WDR17: variants seen among roughly 807,000 people sequenced by gnomAD.
WDR17 encodes the protein WD repeat-containing protein 17.
A neutral mutation model predicts 161.7 loss-of-function variants in WDR17; 143 were observed. The ratio of observed to expected loss-of-function variants is 0.88; its 90% confidence interval spans 0.77 to 1.02. The LOEUF is 1.02. Among genes scored for constraint, WDR17 ranks in the 50% least tolerant of loss-of-function variants. The pLI is 0.00. For synonymous variants in WDR17, 517 were observed against 515.6 expected, an observed-to-expected ratio of 1.00 and a Z score of -0.04; for missense variants, 1,469 against 1,520.9, an observed-to-expected ratio of 0.97 and a Z score of 0.57.
intron 1 of WDR17, among the ~76,000 whole-genome samples, chr4:176,075,868 G>A (rs1228699498): frequency 1.3e-5 from 2 of 151,932 alleles, no homozygotes; most frequent in African/African-American, 4.8e-5. Flanking sequence ...GTCTCAGTTC[G>A]GGAGGCTGAG....
chr4:176,138,411 C>T (rs1579158925), intron 9 of WDR17, among the ~76,000 whole-genome samples: 1 of 151,802 alleles, frequency 6.6e-6, no homozygotes, highest in East Asian at 1.9e-4. Flanking sequence ...GTAGCAAATG[C>T]AGAGCTTTTA....
chr4:176,109,315 A>C (rs943501336), intron 1 of WDR17, among the ~76,000 whole-genome samples: 2 of 152,116 alleles, frequency 1.3e-5, no homozygotes, highest in Admixed American at 6.5e-5. Flanking sequence ...CTGTAACATT[A>C]CTAAGTGTAA....
At chr4:176,085,288 G>C (rs993248212) in intron 1 of WDR17, among the ~76,000 whole-genome samples, 4 of 152,014 alleles carry the variant, frequency 2.6e-5, no homozygotes, top group African/African-American at 9.7e-5. Context: ...GAGAGACATT[G>C]CTGTGTAGTT....
intron 17 of WDR17, among the ~76,000 whole-genome samples, chr4:176,152,933 CAAAAA>C (rs201147883): frequency 7.9e-6 from 1 of 126,126 alleles, no homozygotes. Context: ...GACTCCATCT[CAAAAA>C]AAAAAAAAGG....
rs920727705 is a variant in WDR17 at position 176,090,968 on chromosome 4, G to A, written c.-6-20607G>A. On this transcript the variant is annotated intron_variant, in intron 1 of 28. Transcript: ENST00000508596. ...ATGCTGTTGTTTGTGGCTTAAGAAC[G>A]CCTTAAGTGGTTTTCCACCCTGGGT... Among the ~76,000 whole-genome samples, 5 of 152,176 alleles carry A rather than the reference G, an allele frequency of 3.3e-5. No individual in the cohort carries two copies. The East Asian group carries it at 9.6e-4, about 29-fold the overall frequency.
intron 11 of WDR17, among the ~76,000 whole-genome samples, chr4:176,142,697 A>T: frequency 1.3e-5 from 2 of 152,294 alleles, no homozygotes; most frequent in South Asian, 4.1e-4. Flanking sequence ...AAAAATTCAA[A>T]GTTATTTAAG....
intron 12 of WDR17, among the ~76,000 whole-genome samples, chr4:176,146,514 G>T (rs181263281): frequency 6.6e-6 from 1 of 152,152 alleles, no homozygotes. Flanking sequence ...TTATACTGCC[G>T]TACTCATGGC....
intron 26 of WDR17, among the ~76,000 whole-genome samples, chr4:176,176,173 CTTAA>C (rs745748707): frequency 3.7e-4 from 56 of 152,086 alleles, no homozygotes; most frequent in African/African-American, 1.3e-3. Context: ...GAGAAAAATT[CTTAA>C]TTAAGCATTA....
intron 1 of WDR17, among the ~76,000 whole-genome samples, chr4:176,101,411 C>T (rs1201882796): frequency 1.3e-5 from 2 of 152,098 alleles, no homozygotes; most frequent in Admixed American, 1.3e-4. Context: ...CAAACATTTA[C>T]ATGATAAACA....
chr4:176,084,257 G>A (rs61540581), intron 1 of WDR17, among the ~76,000 whole-genome samples: 1 of 151,968 alleles, frequency 6.6e-6, no homozygotes, highest in African/African-American at 2.4e-5. Flanking sequence ...CATTTGGTTC[G>A]GGTCTCAGGC....
rs755531574 is a variant in WDR17, at chr4:176,146,013, C to T, written c.1548C>T (p.Gly516=). 1 of 1,613,504 alleles carries T rather than the reference C, an allele frequency of 6.2e-7. No individual in the cohort carries two copies. Among genetic ancestry groups the T allele is most frequent in the Non-Finnish European group, 8.5e-7 (1 of 1,179,624 alleles). ...SQNNKDMIAT[G]CEDTNVRVYY... ...ATTTCAGAGACATGATAGCCACTGG[C>T]TGTGAAGACACAAATGTTCGTGTTT... The change falls in exon 12 of 29, where the codon GGC becomes GGT. Residue 516 remains glycine (G), a synonymous_variant. Transcript: ENST00000508596.
intron 17 of WDR17, among the ~76,000 whole-genome samples, chr4:176,153,114 A>T (rs1426198074): frequency 6.6e-6 from 1 of 152,120 alleles, no homozygotes; most frequent in Admixed American, 6.5e-5. Context: ...GCGGGGTTGG[A>T]GCCCAGCCAT....
At chr4:176,168,842 G>A in intron 23 of WDR17, 59 bp downstream of exon 23, 1 of 1,557,576 alleles carries the variant, frequency 6.4e-7, no homozygotes, top group Non-Finnish European at 8.7e-7. Flanking sequence ...TTAATTAATT[G>A]TAGGTTCAAG....
Position 176,163,290 on chromosome 4 carries a change from T to G in WDR17, c.2987T>G (p.Val996Gly). 1 of 1,598,446 alleles carries G rather than the reference T, an allele frequency of 6.3e-7. No homozygotes were observed. Among genetic ancestry groups the G allele is most frequent in the Non-Finnish European group, 8.5e-7 (1 of 1,175,512 alleles). The change falls in exon 22 of 29, where the codon GTA (valine) becomes GGA (glycine). Residue 996 changes from valine to glycine, a missense_variant. Coordinates refer to ENST00000508596, the MANE Select transcript of WDR17 (RefSeq NM_181265.4). The stretch of plus-strand genomic sequence containing the variant: ...GCGAGAAAGTGCATGATGATTTCAG[T>G]ATGGTAAGAATTTTGAAATTCAAAG... Reference protein sequence around the residue: ...LLARKCMMISVWNLAADLLLM... With the variant: ...LLARKCMMISGWNLAADLLLM...
intron 1 of WDR17, among the ~76,000 whole-genome samples, chr4:176,093,866 C>G (rs1003266843): frequency 6.6e-6 from 1 of 152,122 alleles, no homozygotes; most frequent in African/African-American, 2.4e-5. Flanking sequence ...ATTTTTTATG[C>G]AAGATAACAT....
chr4:176,119,245 CATGTGAAATAAGTG>C (rs1323435620), intron 3 of WDR17, among the ~76,000 whole-genome samples: 1 of 152,000 alleles, frequency 6.6e-6, no homozygotes, highest in Non-Finnish European at 1.5e-5. Flanking sequence ...CCTTGACTTT[CATGTGAAATAAGTG>C]GTCAGCTATT....
intron 1 of WDR17, among the ~76,000 whole-genome samples, chr4:176,079,298 T>C (rs1228128318): frequency 1.3e-5 from 2 of 152,130 alleles, no homozygotes; most frequent in Non-Finnish European, 2.9e-5. Flanking sequence ...TGATCCTACA[T>C]TTTGGCTATA....
rs571544131 is a variant in WDR17, at chr4:176,133,378, T to TAAA, written c.1098+1664_1098+1666dup. On this transcript the variant is annotated intron_variant, in intron 7 of 28. Coordinates refer to ENST00000508596, the MANE Select transcript of WDR17 (RefSeq NM_181265.4). ...AAAAATCTGGGTCTTTCTACTAAGC[T>TAAA]AAAAAAAAAAAAAAAAAAAAAAAAA... 6.7e-4 allele frequency among the ~76,000 whole-genome samples: 49 copies of TAAA among 72,966 alleles called. 2 individuals are homozygous for TAAA. Among genetic ancestry groups the TAAA allele is most frequent in the East Asian group, 4.1e-3 (7 of 1,720 alleles). 47.9% of individuals were successfully genotyped at this position (72,966 alleles called of 152,430 possible).
intron 1 of WDR17, among the ~76,000 whole-genome samples, chr4:176,071,718 T>G (rs975160462): frequency 6.6e-6 from 1 of 152,176 alleles, no homozygotes; most frequent in Non-Finnish European, 1.5e-5. Context: ...TTTGATCAAA[T>G]CAAAAATTAT....
Sources: gnomAD v4.1 joint callset for allele counts (sites outside exome capture counted in the v4.1 genomes callset) on GRCh38, gnomAD v4.1.1 for gene constraint, MANE v1.5 for transcripts, NCBI Gene and HGNC (gene_info 2026-07-23, HGNC 2026-07-21) for gene names.